SREBF2: variants seen among roughly 807,000 people sequenced by gnomAD.
SREBF2 encodes sterol regulatory element-binding protein 2.
Under a neutral mutation model 113.1 loss-of-function variants are expected in SREBF2, and 55 were observed. That is an observed-to-expected ratio of 0.49 (90% CI 0.39 to 0.61). The LOEUF is 0.61. Ranked by LOEUF, SREBF2 falls within the 20% of genes least tolerant of loss-of-function variation. The pLI is 0.00. For synonymous variants in SREBF2, 593 were observed against 605.7 expected, an observed-to-expected ratio of 0.98 and a Z score of 0.31; for missense variants, 1,349 against 1,487.4, an observed-to-expected ratio of 0.91 and a Z score of 1.53.
chr22:41,871,131 A>G, intron 4 of SREBF2, 96 bp downstream of exon 4: 1 of 1,525,884 alleles, frequency 6.6e-7, no homozygotes, highest in Non-Finnish European at 9.0e-7. Context: ...CTGAGTAGGT[A>G]TGGGAGGGTC....
At chr22:41,877,452 A>G (rs766493017) in intron 8 of SREBF2, 31 bp downstream of exon 8, 2 of 1,611,526 alleles carry the variant, frequency 1.2e-6, no homozygotes, top group Non-Finnish European at 1.7e-6. Flanking sequence ...CCACCTGGGC[A>G]TGGCTGGACC....
rs1478255554 is a variant in SREBF2 at position 41,875,424 on chromosome 22, G to C, written c.1177G>C (p.Val393Leu). 6.2e-7 allele frequency: 1 copy of C among 1,614,234 alleles called. No individual in the cohort carries two copies. Among genetic ancestry groups the C allele is most frequent in the South Asian group, 1.1e-5 (1 of 91,090 alleles). Reference sequence around the variant, plus strand: ...TCATAAACTGCGCCAGGAGAACATGGTGCTGAAGCTGGCAAATCAAAAGAA... The same window carrying C: ...TCATAAACTGCGCCAGGAGAACATGCTGCTGAAGCTGGCAAATCAAAAGAA... ...VNHKLRQENM[V>L]LKLANQKNKL... The change falls in exon 6 of 19, where the codon GTG becomes CTG. Residue 393 changes from valine to leucine, a missense_variant. By Grantham distance (32) the Val-to-Leu change is conservative. Around this residue, in one of 2 missense-constraint regions of SREBF2, gnomAD observed 699 missense variants for 843.3 expected, o/e 0.83. Transcript: ENST00000361204.
chr22:41,899,879 C>T, intron 15 of SREBF2: 1 of 1,030,598 alleles, frequency 9.7e-7, no homozygotes, highest in Non-Finnish European at 1.2e-6. Flanking sequence ...AACCCTCCCC[C>T]ATCCCTAGCC....
In SREBF2 at chr22:41,833,176, CG is replaced by C; in HGVS notation, c.-90del. 1 of 948,620 alleles carries C rather than the reference CG, an allele frequency of 1.1e-6. No homozygotes were observed. 58.8% of individuals were successfully genotyped at this position (948,620 alleles called of 1,614,324 possible). A position where few individuals can be genotyped will look rare whatever the true frequency, so the allele number is the denominator to read the frequency against. ...CACCCGTCGGTGAGGCGGTGCCGGGCGGGGGTTGTCGGGTGTCATGGGCGGT... is the reference window on the plus strand; with the variant it reads ...CACCCGTCGGTGAGGCGGTGCCGGGCGGGGTTGTCGGGTGTCATGGGCGGT... On this transcript the variant is annotated 5_prime_UTR_variant, in exon 1 of 19. Transcript: ENST00000361204. The surrounding 1 kb of genome is among the most constrained non-coding windows in gnomAD (Gnocchi z 4.1).
intron 1 of SREBF2, among the ~76,000 whole-genome samples, chr22:41,837,230 AAG>A (rs902694338): frequency 2.3e-4 from 35 of 151,940 alleles, no homozygotes; most frequent in African/African-American, 6.8e-4. Flanking sequence ...TCTGTTTTTC[AAG>A]AGATGCCGAA....
chr22:41,835,516 G>A (rs917529645), intron 1 of SREBF2, among the ~76,000 whole-genome samples: 2 of 151,974 alleles, frequency 1.3e-5, no homozygotes, highest in African/African-American at 4.8e-5. Context: ...CTCCATGTTG[G>A]TCGGGCTGGT....
intron 11 of SREBF2, among the ~76,000 whole-genome samples, chr22:41,892,377 C>T (rs995045170): frequency 3.9e-5 from 6 of 152,132 alleles, no homozygotes; most frequent in African/African-American, 7.2e-5. Flanking sequence ...GGGCCAGGCA[C>T]GGTGGCTCAC....
At chr22:41,868,828 TG>T (rs1360331796) in intron 3 of SREBF2, 36 bp downstream of exon 3, 1 of 1,575,262 alleles carries the variant, frequency 6.3e-7, no homozygotes, top group Admixed American at 1.9e-5. Context: ...AGGCACTGGT[TG>T]GGGCTGTTAA....
At chr22:41,880,317 C>T (rs1339848735) in intron 9 of SREBF2, among the ~76,000 whole-genome samples, 1 of 148,776 alleles carries the variant, frequency 6.7e-6, no homozygotes, top group Admixed American at 6.9e-5. Flanking sequence ...TTTGGAAGGC[C>T]GAGGCAGGTA....
chr22:41,836,831 T>A (rs2076780491), intron 1 of SREBF2, among the ~76,000 whole-genome samples: 1 of 152,012 alleles, frequency 6.6e-6, no homozygotes. Context: ...TGTATGTGTA[T>A]GGTGGGGATA....
At position 41,905,494 on chromosome 22, in the gene SREBF2, C is replaced by A; in HGVS notation, c.3260C>A (p.Ala1087Asp). ...QRERATAILL[A>D]CRHLPLSFLS... is the part of the protein sequence containing the mutation. The stretch of plus-strand genomic sequence containing the variant: ...GAGCGGGCCACCGCCATCCTGCTGG[C>A]CTGCCGCCACCTGCCCCTCTCCTTC... Residue 1087 changes from alanine to aspartate, a missense_variant, in exon 19 of 19, where the codon GCC becomes GAC. Around this residue, in one of 2 missense-constraint regions of SREBF2, gnomAD observed 650 missense variants for 644.1 expected, o/e 1.01. Coordinates refer to ENST00000361204, the MANE Select transcript of SREBF2 (RefSeq NM_004599.4). 6.3e-7 allele frequency: 1 copy of A among 1,577,420 alleles called. No homozygotes were observed. Among genetic ancestry groups the A allele is most frequent in the Non-Finnish European group, 8.6e-7 (1 of 1,162,242 alleles).
At chr22:41,896,912 C>T (rs976464294) in intron 13 of SREBF2, 140 bp from the exon 14 acceptor site, 5 of 653,306 alleles carry the variant, frequency 7.7e-6, no homozygotes, top group South Asian at 3.1e-5. Flanking sequence ...ACATAGACAG[C>T]GCTTGCGTGT....
intron 17 of SREBF2, 73 bp downstream of exon 17, chr22:41,903,228 C>T (rs2077480091): frequency 2.0e-6 from 3 of 1,515,378 alleles, no homozygotes; most frequent in Non-Finnish European, 2.7e-6. Flanking sequence ...CCAGCATGGG[C>T]ACCAGCATGT....
intron 9 of SREBF2, among the ~76,000 whole-genome samples, chr22:41,879,115 C>T (rs1031427719): frequency 1.3e-5 from 2 of 152,120 alleles, no homozygotes; most frequent in African/African-American, 2.4e-5. Context: ...CTCACCTTGA[C>T]GTCCCAAAGT....
chr22:41,884,708 C>A, intron 10 of SREBF2, 134 bp from the exon 11 acceptor site: 1 of 903,104 alleles, frequency 1.1e-6, no homozygotes, highest in Non-Finnish European at 1.8e-6. Context: ...ATCCTGTGAT[C>A]AGGCCTGTCT....
At chr22:41,865,447 C>G (rs2077066097) in intron 1 of SREBF2, among the ~76,000 whole-genome samples, 1 of 152,106 alleles carries the variant, frequency 6.6e-6, no homozygotes, top group Admixed American at 6.6e-5. Flanking sequence ...CTCCTGACTT[C>G]TATAGGGACC....
chr22:41,861,007 A>G (rs1424020946), intron 1 of SREBF2, among the ~76,000 whole-genome samples: 1 of 152,250 alleles, frequency 6.6e-6, no homozygotes, highest in Non-Finnish European at 1.5e-5. Flanking sequence ...TCTGAAAAGG[A>G]TGATGTTACG....
intron 1 of SREBF2, chr22:41,834,713 G>A (rs2076753185): frequency 1.3e-5 from 2 of 152,182 alleles, no homozygotes; most frequent in Non-Finnish European, 2.9e-5. Flanking sequence ...TGGTCATGTG[G>A]GCAGTGTGAT....
intron 3 of SREBF2, among the ~76,000 whole-genome samples, chr22:41,870,640 A>G (rs1470374881): frequency 6.6e-6 from 1 of 151,218 alleles, no homozygotes; most frequent in East Asian, 1.9e-4. Context: ...AAAAAAAAAA[A>G]AAAAAAAAAA....
Sources: allele counts gnomAD v4.1 joint callset (sites outside exome capture counted in the v4.1 genomes callset), GRCh38; gene constraint gnomAD v4.1.1; regional missense constraint gnomAD v4.1.1; non-coding constraint Gnocchi (gnomAD v3.1); transcripts MANE v1.5; gene names NCBI Gene and HGNC (gene_info 2026-07-23, HGNC 2026-07-21).